The following MSRA variants were observed in gnomAD, a reference collection of about 807,000 sequenced individuals.
MSRA encodes the protein mitochondrial peptide methionine sulfoxide reductase.
MSRA carries 54 observed loss-of-function variants against 31.3 expected under a neutral mutation model. The ratio of observed to expected loss-of-function variants is 1.73; its 90% CI spans 1.39 to 2.17. The LOEUF is 2.17. Among genes scored for constraint, MSRA ranks in the 30% most tolerant of loss-of-function variants. The probability of loss-of-function intolerance (pLI) is 0.00; values close to 1 mark genes in which losing one functional copy is unlikely to be tolerated. For synonymous variants in MSRA, 169 were observed against 116.5 expected, an observed-to-expected ratio of 1.45 and a Z score of -2.90; for missense variants, 507 against 300.9, an observed-to-expected ratio of 1.69 and a Z score of -5.07.
chr8:10,359,775 T>C (rs1291603799), intron 5 of MSRA, among the ~76,000 whole-genome samples: 1 of 152,190 alleles, frequency 6.6e-6, no homozygotes, highest in Admixed American at 6.5e-5. Context: ...TGGAGGACGG[T>C]CTCAGACAGA....
chr8:10,405,242 G>C (rs1476625680), intron 5 of MSRA, among the ~76,000 whole-genome samples: 1 of 152,100 alleles, frequency 6.6e-6, no homozygotes, highest in Non-Finnish European at 1.5e-5. Flanking sequence ...CCTGTGCCTA[G>C]GTGGGGAGCT....
At chr8:10,172,634 C>G (rs761881208) in intron 1 of MSRA, among the ~76,000 whole-genome samples, 2 of 152,150 alleles carry the variant, frequency 1.3e-5, no homozygotes, top group African/African-American at 4.8e-5. Context: ...AATGGCTCCA[C>G]TTGATATTGT....
chr8:10,327,547 A>G (rs17708114), intron 5 of MSRA, among the ~76,000 whole-genome samples: 1 of 152,064 alleles, frequency 6.6e-6, no homozygotes, highest in African/African-American at 2.4e-5. Context: ...TGACTCCCTA[A>G]GCTCTTCAGT....
intron 5 of MSRA, among the ~76,000 whole-genome samples, chr8:10,414,898 A>C (rs1374575523): frequency 6.6e-6 from 1 of 152,252 alleles, no homozygotes; most frequent in African/African-American, 2.4e-5. Context: ...CTATACAAAG[A>C]CAGGGACAGG....
intron 3 of MSRA, among the ~76,000 whole-genome samples, chr8:10,279,549 C>G (rs879739082): frequency 6.6e-6 from 1 of 152,190 alleles, no homozygotes; most frequent in African/African-American, 2.4e-5. Flanking sequence ...GTTTACGTCT[C>G]TGACTCTCCC....
At chr8:10,243,071 T>A (rs1006020661) in intron 2 of MSRA, among the ~76,000 whole-genome samples, 3 of 152,190 alleles carry the variant, frequency 2.0e-5, no homozygotes, top group Non-Finnish European at 4.4e-5. Context: ...CATTTTAAGT[T>A]TTAAAAACCT....
chr8:10,416,670 A>G (rs1190960442), intron 5 of MSRA, among the ~76,000 whole-genome samples: 1 of 152,220 alleles, frequency 6.6e-6, no homozygotes. Flanking sequence ...GTTGGAGAGC[A>G]CTTGTGCCGT....
At chr8:10,422,588 A>T (rs1306967857) in intron 5 of MSRA, among the ~76,000 whole-genome samples, 2 of 152,178 alleles carry the variant, frequency 1.3e-5, no homozygotes, top group East Asian at 3.9e-4. Context: ...TCAGCAAGAC[A>T]CACACACAAA....
At chr8:10,333,496 G>T (rs1234491073) in intron 5 of MSRA, among the ~76,000 whole-genome samples, 1 of 152,172 alleles carries the variant, frequency 6.6e-6, no homozygotes, top group African/African-American at 2.4e-5. Context: ...GGTCCCCGAT[G>T]ACTTGGGCAG....
intron 4 of MSRA, among the ~76,000 whole-genome samples, chr8:10,302,730 C>G (rs6601429): frequency 0.98 from 148,609 of 152,334 alleles, 72,590 homozygotes; most frequent in Middle Eastern, 1. Flanking sequence ...GGGCAGATGG[C>G]GGCCTAGAGG....
chr8:10,236,056 G>C (rs1811906963), intron 2 of MSRA, among the ~76,000 whole-genome samples: 1 of 152,134 alleles, frequency 6.6e-6, no homozygotes, highest in African/African-American at 2.4e-5. Context: ...AAGAAAGCAT[G>C]CATTGTTAAT....
rs149664999 is a variant in MSRA at position 10,352,362 on chromosome 8, G to GAAA, written c.543+32375_543+32377dup. 9.2e-3 allele frequency among the ~76,000 whole-genome samples: 1,403 copies of GAAA among 152,316 alleles called. 23 individuals are homozygous for GAAA. Among genetic ancestry groups the GAAA allele is most frequent in the African/African-American group, 0.032 (1,325 of 41,564 alleles). On this transcript the variant is annotated intron_variant, in intron 5 of 5. Coordinates refer to ENST00000317173, the MANE Select transcript of MSRA (RefSeq NM_012331.5). ...AATGTTTTTGCTGGTATGCGAAGGG[G>GAAA]AAAATCTAGTGTTTGGAAAGAGTTC...
chr8:10,310,537 G>T (rs950722526), intron 4 of MSRA, among the ~76,000 whole-genome samples: 1 of 152,184 alleles, frequency 6.6e-6, no homozygotes, highest in African/African-American at 2.4e-5. Context: ...TTTGGTGTCT[G>T]CACTCTGAGT....
chr8:10,076,052 C>A (rs570849988), intron 1 of MSRA, among the ~76,000 whole-genome samples: 2 of 152,162 alleles, frequency 1.3e-5, no homozygotes, highest in South Asian at 4.2e-4. Context: ...AGGGACTTCA[C>A]GTCTGGACTG....
chr8:10,297,878 C>G (rs552555752), intron 3 of MSRA, among the ~76,000 whole-genome samples: 1 of 152,268 alleles, frequency 6.6e-6, no homozygotes, highest in East Asian at 1.9e-4. Context: ...GAGCCTAATC[C>G]CATAAAATAT....
chr8:10,297,509 C>T (rs889653320), intron 3 of MSRA, among the ~76,000 whole-genome samples: 2 of 152,248 alleles, frequency 1.3e-5, no homozygotes, highest in East Asian at 3.9e-4. Flanking sequence ...AAAGTATTTG[C>T]AGATTGGTCT....
At chr8:10,095,705 A>G in intron 1 of MSRA, 7 of 1,048,916 alleles carry the variant, frequency 6.7e-6, no homozygotes, top group Non-Finnish European at 8.0e-6. Context: ...GGTACAGAAA[A>G]ACTCAGAACT....
chr8:10,289,874 A>G (rs1386627867), intron 3 of MSRA, among the ~76,000 whole-genome samples: 3 of 152,160 alleles, frequency 2.0e-5, no homozygotes, highest in African/African-American at 7.2e-5. Flanking sequence ...CTGGCATCTC[A>G]TTGTGAAGTT....
chr8:10,183,857 C>T (rs1806773127), intron 1 of MSRA, among the ~76,000 whole-genome samples: 1 of 142,214 alleles, frequency 7.0e-6, no homozygotes, highest in Non-Finnish European at 1.5e-5. Flanking sequence ...ATGGTGTTGA[C>T]AGTAGTGTTG....
Sources: allele counts gnomAD v4.1 joint callset (sites outside exome capture counted in the v4.1 genomes callset), GRCh38; gene constraint gnomAD v4.1.1; transcripts MANE v1.5; gene names NCBI Gene and HGNC (gene_info 2026-07-23, HGNC 2026-07-21).